The following RBM25 variants were observed in gnomAD, a reference collection of about 807,000 sequenced individuals.
RBM25 encodes the protein RNA binding motif protein 25.
Under a neutral mutation model 120.7 loss-of-function variants are expected in RBM25, and 19 were observed. That is an observed-to-expected ratio of 0.16 (90% CI 0.11 to 0.23). The LOEUF is 0.23. Among genes scored for constraint, RBM25 ranks in the 10% least tolerant of loss-of-function variants. The pLI, the probability that RBM25 is intolerant of heterozygous loss-of-function variation, is 1.00. For missense variants in RBM25, 605 were observed against 1,041.5 expected, an observed-to-expected ratio of 0.58 and a Z score of 5.77; for synonymous variants, 390 against 326.7, an observed-to-expected ratio of 1.19 and a Z score of -2.09.
At chr14:73,111,449 T>C in intron 15 of RBM25, 79 bp from the exon 16 acceptor site, 2 of 1,414,696 alleles carry the variant, frequency 1.4e-6, no homozygotes, top group Non-Finnish European at 1.9e-6. Flanking sequence ...TATTTTGCAT[T>C]GCTTTTGAGG....
intron 17 of RBM25, among the ~76,000 whole-genome samples, 178 bp from the exon 18 acceptor site, chr14:73,114,108 C>G (rs1287040542): frequency 2.6e-5 from 4 of 151,224 alleles, no homozygotes; most frequent in African/African-American, 9.9e-5. Context: ...ATTAATATTC[C>G]AGGTTTTGGT....
chr14:73,077,157 A>G (rs1243273954), intron 3 of RBM25, among the ~76,000 whole-genome samples: 1 of 152,246 alleles, frequency 6.6e-6, no homozygotes, highest in East Asian at 1.9e-4. Flanking sequence ...TTAAGAAGAA[A>G]GGTAATCTAG....
intron 9 of RBM25, 84 bp downstream of exon 9, chr14:73,099,834 A>G (rs1896023528): frequency 4.1e-6 from 6 of 1,462,086 alleles, no homozygotes; most frequent in Admixed American, 2.7e-5. Context: ...TCAACCTTAA[A>G]TTAGAATATA....
chr14:73,080,797 C>CT (rs1278062287), intron 4 of RBM25, among the ~76,000 whole-genome samples: 1 of 149,550 alleles, frequency 6.7e-6, no homozygotes, highest in African/African-American at 2.5e-5. Context: ...ATTGTATTTT[C>CT]TTTCTTTGGT....
intron 1 of RBM25, among the ~76,000 whole-genome samples, chr14:73,067,607 T>A (rs1172970160): frequency 6.7e-6 from 1 of 149,058 alleles, no homozygotes; most frequent in Non-Finnish European, 1.5e-5. Flanking sequence ...TGCCTGTATT[T>A]TTTTTTTTTT....
chr14:73,101,512 G>GTATATA (rs34658210), intron 9 of RBM25: 17 of 137,464 alleles, frequency 1.2e-4, no homozygotes, highest in East Asian at 8.4e-4. Flanking sequence ...ATACATGTGT[G>GTATATA]TATATATATA....
At chr14:73,077,562 TA>T in intron 4 of RBM25, 26 bp downstream of exon 4, 1 of 1,526,206 alleles carries the variant, frequency 6.6e-7, no homozygotes, top group Non-Finnish European at 8.8e-7. Context: ...TATTTTTCAT[TA>T]AAAATTTTTT....
rs960039049 is a variant in RBM25, at chr14:73,098,656, C to T, written c.730-724C>T. On this transcript the variant is annotated intron_variant, in intron 7 of 18. Coordinates refer to ENST00000261973, the MANE Select transcript of RBM25 (RefSeq NM_021239.3). ...TCTTTTTTGTTCCCGCCCCTACCCCCACCCAAGACGGAGTCTCACTCACTT... is the reference window on the plus strand; with the variant it reads ...TCTTTTTTGTTCCCGCCCCTACCCCTACCCAAGACGGAGTCTCACTCACTT... Among the ~76,000 whole-genome samples, 85 of 152,034 alleles carry T rather than the reference C, an allele frequency of 5.6e-4. 7 individuals carry two copies. The highest frequency in any genetic ancestry group is 2.0e-4 in the Admixed American group (3 of 15,242).
At position 73,109,323 on chromosome 14, in the gene RBM25, T is replaced by C. The variant is rs1320896425; in HGVS notation, c.1542-19T>C. 3 of 1,606,960 alleles carry C rather than the reference T, an allele frequency of 1.9e-6. No individual in the cohort carries two copies. The highest frequency in any genetic ancestry group is 1.7e-6 in the Non-Finnish European group (2 of 1,176,852). ...TGATCGGAGTATTAAATGAAGCCTTTTATCATTCACTTTTACAGAGGAAGT... is the reference window on the plus strand; with the variant it reads ...TGATCGGAGTATTAAATGAAGCCTTCTATCATTCACTTTTACAGAGGAAGT... On this transcript the variant is annotated intron_variant, in intron 13 of 18. Coordinates refer to ENST00000261973, the MANE Select transcript of RBM25 (RefSeq NM_021239.3).
chr14:73,074,640 A>G (rs1208535906), intron 2 of RBM25, among the ~76,000 whole-genome samples: 1 of 151,982 alleles, frequency 6.6e-6, no homozygotes, highest in African/African-American at 2.4e-5. Context: ...GTTATGGAGA[A>G]TCTGTGCTTT....
intron 4 of RBM25, among the ~76,000 whole-genome samples, chr14:73,081,238 A>G (rs1173170179): frequency 1.3e-5 from 2 of 152,108 alleles, no homozygotes; most frequent in Non-Finnish European, 2.9e-5. Flanking sequence ...CTCCCGGGTC[A>G]GTGATTCTTC....
intron 18 of RBM25, among the ~76,000 whole-genome samples, chr14:73,117,205 C>CTTT (rs1896448964): frequency 1.4e-4 from 5 of 36,562 alleles, no homozygotes; most frequent in South Asian, 8.8e-4. Context: ...TTTCTTTCTT[C>CTTT]TTTTCTTTTT....
rs1422894853 is a variant in RBM25 at position 73,103,327 on chromosome 14, C to A, written c.1003C>A (p.Arg335=). 2 of 1,587,342 alleles carry A rather than the reference C, an allele frequency of 1.3e-6. No homozygotes were observed. The highest frequency in any genetic ancestry group is 1.7e-6 in the Non-Finnish European group (2 of 1,165,616). The change falls in exon 10 of 19, where the codon CGA becomes AGA. Residue 335 remains arginine, a synonymous_variant. Coordinates refer to ENST00000261973, the MANE Select transcript of RBM25 (RefSeq NM_021239.3). The part of the protein sequence containing the change: ...RERERERERE[R]EKEKERERER... ...ACGAGAAAGGGAAAGAGAACGTGAA[C>A]GAGAAAAGGAGAAAGAACGGGAGCG...
intron 6 of RBM25, among the ~76,000 whole-genome samples, chr14:73,094,592 C>T (rs140004963): frequency 0.025 from 3,756 of 151,726 alleles, 71 homozygotes; most frequent in Non-Finnish European, 0.037. Flanking sequence ...GGACCATGCC[C>T]GGCTAATTTT....
chr14:73,092,527 G>C (rs1030206918), intron 6 of RBM25, among the ~76,000 whole-genome samples: 2 of 151,434 alleles, frequency 1.3e-5, no homozygotes, highest in Non-Finnish European at 1.5e-5. Flanking sequence ...AGTTTGTCTA[G>C]GGGAGCAACA....
chr14:73,110,199 CT>C (rs1896280804), intron 14 of RBM25, among the ~76,000 whole-genome samples: 1 of 146,356 alleles, frequency 6.8e-6, no homozygotes, highest in African/African-American at 2.5e-5. Flanking sequence ...TTTTTTTTCC[CT>C]GAGACAGAGT....
intron 6 of RBM25, among the ~76,000 whole-genome samples, chr14:73,091,110 T>C (rs1400617612): frequency 6.6e-6 from 1 of 152,238 alleles, no homozygotes; most frequent in Non-Finnish European, 1.5e-5. Flanking sequence ...GTCATTTAAT[T>C]TGTAGCATTT....
chr14:73,113,818 A>G (rs1329532139), intron 17 of RBM25, among the ~76,000 whole-genome samples: 5 of 152,238 alleles, frequency 3.3e-5, no homozygotes, highest in Admixed American at 6.5e-5. Context: ...TGTCTTGGCT[A>G]TGTTTTATAC....
intron 2 of RBM25, among the ~76,000 whole-genome samples, chr14:73,074,083 T>A (rs1895355584): frequency 6.6e-6 from 1 of 152,218 alleles, no homozygotes; most frequent in South Asian, 2.1e-4. Context: ...TTATCAGCCA[T>A]CAAACAGATT....
Sources: allele counts gnomAD v4.1 joint callset (sites outside exome capture counted in the v4.1 genomes callset), GRCh38; gene constraint gnomAD v4.1.1; transcripts MANE v1.5; gene names NCBI Gene and HGNC (gene_info 2026-07-23, HGNC 2026-07-21).